The following FBP1 variants were observed in gnomAD, a reference collection of about 807,000 sequenced individuals.
The protein encoded by FBP1 is fructose-1,6-bisphosphatase 1.
In FBP1, 22 loss-of-function variants were observed where a neutral mutation model predicts 29.9. The ratio of observed to expected loss-of-function variants is 0.74; its 90% confidence interval spans 0.53 to 1.05. The LOEUF (loss-of-function observed/expected upper bound fraction) is 1.05, where lower values mean the gene tolerates loss of function less well. Among genes scored for constraint, FBP1 ranks in the 50% least tolerant of loss-of-function variants. The probability of loss-of-function intolerance (pLI) is 0.00; values close to 1 mark genes in which losing one functional copy is unlikely to be tolerated. For missense variants in FBP1, 345 were observed against 448.2 expected (o/e 0.77, Z 2.08); for synonymous variants, 175 against 178.6 (o/e 0.98, Z 0.16).
chr9:94,612,399 C>T (rs997070831), intron 3 of FBP1, among the ~76,000 whole-genome samples: 36 of 152,106 alleles, frequency 2.4e-4, no homozygotes, highest in Non-Finnish European at 4.7e-4. Context: ...CCCTGACATA[C>T]GGTCACCAAA....
intron 1 of FBP1, among the ~76,000 whole-genome samples, chr9:94,621,320 C>T (rs866985926): frequency 2.8e-4 from 43 of 151,612 alleles, no homozygotes; most frequent in African/African-American, 5.8e-4. Flanking sequence ...GGCGTGAACC[C>T]GGGAGGTGGA....
In FBP1 at chr9:94,603,333, A is replaced by G. The variant is rs1374218202; in HGVS notation, c.*48T>C. The G allele has an allele frequency of 1.4e-5, 21 of 1,518,202 alleles. No homozygotes were observed. Among genetic ancestry groups the G allele is most frequent in the Non-Finnish European group, 1.9e-5 (21 of 1,100,240 alleles). 94.0% of individuals were successfully genotyped at this position (1,518,202 alleles called of 1,614,324 possible). A position where few individuals can be genotyped will look rare whatever the true frequency, so the allele number is the denominator to read the frequency against. On this transcript the variant is annotated 3_prime_UTR_variant, in exon 7 of 7. Transcript: ENST00000375326. ...AGGTCAGGGTACTGCTGTGTGAGAC[A>G]AAAGGTCCAGGTAGAGGCAATTCTC...
chr9:94,633,765 C>T (rs111966324), intron 1 of FBP1, among the ~76,000 whole-genome samples: 1 of 151,680 alleles, frequency 6.6e-6, no homozygotes, highest in South Asian at 2.1e-4. Flanking sequence ...AGTGCAGTGG[C>T]GCGATCTCGG....
intron 4 of FBP1, among the ~76,000 whole-genome samples, chr9:94,608,825 T>C (rs2987897): frequency 0.37 from 56,307 of 151,996 alleles, 10,724 homozygotes; most frequent in East Asian, 0.54. Flanking sequence ...TTCCTGTTCC[T>C]TGTCTGTTCC....
intron 3 of FBP1, among the ~76,000 whole-genome samples, chr9:94,614,216 G>C (rs1317576959): frequency 6.9e-6 from 1 of 144,104 alleles, no homozygotes; most frequent in Non-Finnish European, 1.5e-5. Context: ...AGGGAGAAGG[G>C]GGAGGGACAG....
At chr9:94,628,416 G>T (rs1828057179) in intron 1 of FBP1, among the ~76,000 whole-genome samples, 1 of 151,332 alleles carries the variant, frequency 6.6e-6, no homozygotes. Flanking sequence ...AGAGGGGAAA[G>T]GCAACATTGT....
chr9:94,612,055 C>T (rs1827793808), intron 3 of FBP1, among the ~76,000 whole-genome samples: 1 of 152,210 alleles, frequency 6.6e-6, no homozygotes, highest in Admixed American at 6.5e-5. Flanking sequence ...TTGTATTCAC[C>T]AGACAGTACA....
At chr9:94,618,847 G>A (rs560270611) in intron 2 of FBP1, among the ~76,000 whole-genome samples, 2 of 152,224 alleles carry the variant, frequency 1.3e-5, no homozygotes, top group East Asian at 1.9e-4. Context: ...TAAAATCAAC[G>A]ATGGGAGAGT....
At chr9:94,611,555 C>T (rs2131478603) in intron 3 of FBP1, among the ~76,000 whole-genome samples, 1 of 152,232 alleles carries the variant, frequency 6.6e-6, no homozygotes, top group Admixed American at 6.5e-5. Flanking sequence ...GAGTTTGAGA[C>T]CAGTTTGTGC....
chr9:94,603,397 T>C lies in FBP1; in HGVS notation c.1001A>G (p.Lys334Arg), dbSNP rs747059512. Reference sequence around the variant, plus strand: ...GGCAGGTGCTCACTGGGCAGAGTGCTTCTCATACACCTTCAGGAACTCGAG... The same window carrying C: ...GGCAGGTGCTCACTGGGCAGAGTGCCTCTCATACACCTTCAGGAACTCGAG... ...DVLEFLKVYE[K>R]HSAQ Residue 334 changes from lysine (K) to arginine (R), a missense_variant, in exon 7 of 7, where the codon AAG becomes AGG. Lys to Arg is a conservative substitution (Grantham distance 26, BLOSUM62 2). Coordinates refer to ENST00000375326, the MANE Select transcript of FBP1 (RefSeq NM_000507.4). 1.9e-6 allele frequency: 3 copies of C among 1,613,842 alleles called. No homozygotes were observed. The highest frequency in any genetic ancestry group is 2.5e-6 in the Non-Finnish European group (3 of 1,179,894).
chr9:94,603,920 T>C lies in FBP1; in HGVS notation c.826-348A>G, dbSNP rs535487680. 290 of 360,596 alleles carry C rather than the reference T, an allele frequency of 8.0e-4. 3 individuals carry two copies. The highest frequency in any genetic ancestry group is 3.1e-4 in the Non-Finnish European group (58 of 184,896). The allele number at this position is 360,596 out of a possible 1,614,324, so 22.3% of individuals were successfully genotyped here. A position where few individuals can be genotyped will look rare whatever the true frequency, so the allele number is the denominator to read the frequency against. ...GGAAACTGGACTTAATGAGTGATTC[T>C]GTGTGTGTTGGATGGAGCTTCGCCT... On this transcript the variant is annotated intron_variant, in intron 6 of 6. Coordinates refer to ENST00000375326, the MANE Select transcript of FBP1 (RefSeq NM_000507.4).
chr9:94,613,287 G>A (rs562404472), intron 3 of FBP1, among the ~76,000 whole-genome samples: 7 of 152,194 alleles, frequency 4.6e-5, no homozygotes, highest in Non-Finnish European at 1.0e-4. Context: ...GAAAAAAAGT[G>A]GGTGTGGTGG....
At position 94,603,353 on chromosome 9, in the gene FBP1, A is replaced by G. The variant is rs528042884; in HGVS notation, c.*28T>C. On this transcript the variant is annotated 3_prime_UTR_variant, in exon 7 of 7. Coordinates refer to ENST00000375326, the MANE Select transcript of FBP1 (RefSeq NM_000507.4). ...GAGACAAAAGGTCCAGGTAGAGGCA[A>G]TTCTCCGGATGCAGGCAGGGCAGGT... The G allele has an allele frequency of 1.2e-5, 20 of 1,600,876 alleles. No homozygotes were observed. The South Asian group carries it at 1.9e-4, about 15-fold the overall frequency.
chr9:94,612,982 C>T (rs1214050024), intron 3 of FBP1, among the ~76,000 whole-genome samples: 1 of 152,196 alleles, frequency 6.6e-6, no homozygotes, highest in Non-Finnish European at 1.5e-5. Context: ...CTTCCTTTCT[C>T]TGCCTATCTG....
intron 1 of FBP1, among the ~76,000 whole-genome samples, chr9:94,634,235 A>G (rs1271212340): frequency 4.6e-5 from 7 of 151,110 alleles, no homozygotes; most frequent in Non-Finnish European, 5.9e-5. Flanking sequence ...CGGAGGTTGC[A>G]GTGAGCTGAG....
rs28369672 is a variant in FBP1 at position 94,625,313 on chromosome 9, G to C, written c.171-4822C>G. Among the ~76,000 whole-genome samples the C allele has an allele frequency of 2.7e-3, 406 of 152,222 alleles. 3 individuals are homozygous for C. The highest frequency in any genetic ancestry group is 9.4e-3 in the African/African-American group (393 of 41,590). ...CACAGAGAAGCTGAGGGCCACAGAA[G>C]GGGTGGTACACCGTTCACGATGGTA... On this transcript the variant is annotated intron_variant, in intron 1 of 6. Transcript: ENST00000375326.
chr9:94,611,951 C>G (rs970010841), intron 3 of FBP1, among the ~76,000 whole-genome samples: 8 of 152,116 alleles, frequency 5.3e-5, no homozygotes, highest in Admixed American at 2.0e-4. Context: ...AACCACAAAC[C>G]CATTTCTTTC....
chr9:94,632,257 G>A (rs1234693243), intron 1 of FBP1, among the ~76,000 whole-genome samples: 2 of 152,100 alleles, frequency 1.3e-5, no homozygotes, highest in African/African-American at 2.4e-5. Context: ...AGCCACTCTT[G>A]GGTGCAACAT....
intron 1 of FBP1, among the ~76,000 whole-genome samples, chr9:94,638,628 G>C (rs527358024): frequency 1.3e-4 from 15 of 116,598 alleles, no homozygotes; most frequent in African/African-American, 4.0e-4. Context: ...CTGCTTGCGG[G>C]GGGGGCGGGG....
Sources: allele counts gnomAD v4.1 joint callset (sites outside exome capture counted in the v4.1 genomes callset), GRCh38; gene constraint gnomAD v4.1.1; transcripts MANE v1.5; gene names NCBI Gene and HGNC (gene_info 2026-07-23, HGNC 2026-07-21).